The following BMP5 variants were observed in gnomAD, a reference collection of about 807,000 sequenced individuals.
The protein encoded by BMP5 is bone morphogenetic protein 5.
A neutral mutation model predicts 46.6 loss-of-function variants in BMP5; 23 were observed. The observed-to-expected ratio is 0.49, with a 90% CI of 0.35 to 0.70. BMP5 has a LOEUF of 0.70. BMP5 is among the 30% of genes least tolerant of loss of function. The probability of loss-of-function intolerance (pLI) is 0.00; values close to 1 mark genes in which losing one functional copy is unlikely to be tolerated. For missense variants in BMP5, 545 were observed against 565.6 expected (o/e 0.96, Z 0.37); for synonymous variants, 204 against 191.9 (o/e 1.06, Z -0.52).
intron 1 of BMP5, among the ~76,000 whole-genome samples, chr6:55,863,465 A>G (rs1042870464): frequency 6.6e-6 from 1 of 152,168 alleles, no homozygotes; most frequent in Admixed American, 6.5e-5. Context: ...ACATCAATAC[A>G]TTGGCAGAAA....
intron 1 of BMP5, among the ~76,000 whole-genome samples, chr6:55,869,448 G>A (rs12204591): frequency 5.7e-4 from 86 of 150,474 alleles, no homozygotes; most frequent in Non-Finnish European, 1.0e-3. Flanking sequence ...CTCACTCTTC[G>A]TCTCTTTATT....
chr6:55,761,210 C>A (rs530959471), intron 4 of BMP5, among the ~76,000 whole-genome samples: 16 of 152,098 alleles, frequency 1.1e-4, no homozygotes, highest in Middle Eastern at 3.4e-3. Flanking sequence ...CCAAAATGCA[C>A]CTGCTCTCAC....
intron 1 of BMP5, among the ~76,000 whole-genome samples, chr6:55,864,204 A>G (rs573515573): frequency 5.4e-4 from 83 of 152,312 alleles, no homozygotes; most frequent in African/African-American, 1.8e-3. Flanking sequence ...ATAACTACCC[A>G]TCACAATTAA....
intron 1 of BMP5, among the ~76,000 whole-genome samples, chr6:55,843,061 T>C (rs1387266221): frequency 6.6e-6 from 1 of 152,120 alleles, no homozygotes; most frequent in African/African-American, 2.4e-5. Flanking sequence ...CAGATTCTTA[T>C]GAAAACTTTA....
intron 3 of BMP5, among the ~76,000 whole-genome samples, chr6:55,788,511 T>C (rs1048587577): frequency 6.6e-6 from 1 of 151,814 alleles, no homozygotes; most frequent in African/African-American, 2.4e-5. Flanking sequence ...TGTATTTAAA[T>C]CATCTGCAAA....
intron 3 of BMP5, among the ~76,000 whole-genome samples, chr6:55,789,918 C>T (rs1775536374): frequency 6.6e-6 from 1 of 152,092 alleles, no homozygotes; most frequent in Admixed American, 6.6e-5. Flanking sequence ...TTGCCAAATA[C>T]ATTGCAGTTC....
chr6:55,793,924 T>G (rs563045987), intron 3 of BMP5, among the ~76,000 whole-genome samples: 2 of 152,300 alleles, frequency 1.3e-5, no homozygotes, highest in Non-Finnish European at 2.9e-5. Context: ...CCATAAATTT[T>G]TACAAATCGT....
At chr6:55,780,378 TG>T (rs1775280707) in intron 3 of BMP5, among the ~76,000 whole-genome samples, 1 of 147,034 alleles carries the variant, frequency 6.8e-6, no homozygotes, top group African/African-American at 2.5e-5. Flanking sequence ...CCCAGCACTT[TG>T]GGAGGCCAAG....
intron 3 of BMP5, among the ~76,000 whole-genome samples, chr6:55,780,859 A>G (rs1026628389): frequency 9.2e-5 from 14 of 152,062 alleles, no homozygotes; most frequent in Non-Finnish European, 2.1e-4. Flanking sequence ...CAGTTGTGGA[A>G]GCTGTCCAGA....
rs536324916 is a variant in BMP5, at chr6:55,832,141, G to A, written c.491-12294C>T. Among the ~76,000 whole-genome samples the A allele has an allele frequency of 2.0e-5, 3 of 152,304 alleles. No homozygotes were observed. In the South Asian group the frequency reaches 6.2e-4, roughly 32 times the overall value. ...GCAAAGACTTGAACTGTACCTACAA[G>A]TAGCTCTCCTGACATGTCTTCATGA... On this transcript the variant is annotated intron_variant, in intron 1 of 6. Transcript: ENST00000370830.
chr6:55,845,806 T>C (rs527330776), intron 1 of BMP5, among the ~76,000 whole-genome samples: 1 of 151,928 alleles, frequency 6.6e-6, no homozygotes, highest in South Asian at 2.1e-4. Context: ...TGAAAAAACA[T>C]ATATTGGTCA....
intron 2 of BMP5, among the ~76,000 whole-genome samples, chr6:55,810,121 T>C (rs1404953191): frequency 1.3e-5 from 2 of 152,172 alleles, no homozygotes; most frequent in East Asian, 1.9e-4. Flanking sequence ...TTTTAGCTTA[T>C]ATGGGCTAGA....
intron 1 of BMP5, among the ~76,000 whole-genome samples, chr6:55,868,936 G>A (rs1352575012): frequency 1.4e-4 from 22 of 152,274 alleles, no homozygotes; most frequent in Non-Finnish European, 2.4e-4. Flanking sequence ...GAAACCCCAC[G>A]GCCCAGCCAA....
At chr6:55,783,953 C>T (rs777505756) in intron 3 of BMP5, among the ~76,000 whole-genome samples, 18 of 151,934 alleles carry the variant, frequency 1.2e-4, no homozygotes, top group Non-Finnish European at 1.9e-4. Flanking sequence ...CCACAACTAA[C>T]TCCTGTTTGT....
intron 1 of BMP5, among the ~76,000 whole-genome samples, chr6:55,861,463 T>C (rs1777525060): frequency 6.6e-6 from 1 of 152,250 alleles, no homozygotes; most frequent in East Asian, 1.9e-4. Context: ...GTTAATCTTG[T>C]TTATGCCAAA....
chr6:55,757,665 A>G (rs1774643145), intron 6 of BMP5, among the ~76,000 whole-genome samples: 1 of 151,794 alleles, frequency 6.6e-6, no homozygotes, highest in Admixed American at 6.6e-5. Context: ...CCAGAAATTT[A>G]CTCTTTACCT....
chr6:55,760,434 C>T (rs1774742470), intron 5 of BMP5, 23 bp downstream of exon 5: 1 of 1,607,310 alleles, frequency 6.2e-7, no homozygotes, highest in Non-Finnish European at 8.5e-7. Flanking sequence ...AAAGAAGCAC[C>T]AAAGTTGACT....
intron 1 of BMP5, among the ~76,000 whole-genome samples, chr6:55,827,183 C>A (rs1244847545): frequency 6.6e-6 from 1 of 151,660 alleles, no homozygotes; most frequent in Non-Finnish European, 1.5e-5. Flanking sequence ...GAGATGGATG[C>A]CACAGCAAAT....
intron 2 of BMP5, among the ~76,000 whole-genome samples, chr6:55,811,691 C>G (rs949034808): frequency 3.3e-5 from 5 of 151,716 alleles, no homozygotes; most frequent in African/African-American, 1.2e-4. Context: ...CTTTCTCCCT[C>G]TCTCTCTCTT....
Sources: allele counts gnomAD v4.1 joint callset (sites outside exome capture counted in the v4.1 genomes callset), GRCh38; gene constraint gnomAD v4.1.1; transcripts MANE v1.5; gene names NCBI Gene and HGNC (gene_info 2026-07-23, HGNC 2026-07-21).